DHX35: variants seen among roughly 807,000 people sequenced by gnomAD.
DHX35 encodes DEAH-box helicase 35.
In DHX35, 84 loss-of-function variants were observed where a neutral mutation model predicts 99.6. That is an observed-to-expected ratio of 0.84 (90% CI 0.71 to 1.01). The LOEUF (loss-of-function observed/expected upper bound fraction) is 1.01. Among genes scored for constraint, DHX35 ranks in the 50% least tolerant of loss-of-function variants. DHX35 has a pLI of 0.00. For synonymous variants in DHX35, 331 were observed against 316.2 expected (o/e 1.05, Z -0.50); for missense variants, 852 against 888.5 (o/e 0.96, Z 0.52).
intron 3 of DHX35, among the ~76,000 whole-genome samples, chr20:38,975,529 G>A (rs953694859): frequency 6.6e-6 from 1 of 152,144 alleles, no homozygotes; most frequent in Non-Finnish European, 1.5e-5. Context: ...ACACTGTAGA[G>A]AGTAATGAGG....
intron 15 of DHX35, among the ~76,000 whole-genome samples, chr20:39,019,616 T>TA (rs1244494019): frequency 6.6e-6 from 1 of 152,224 alleles, no homozygotes; most frequent in Non-Finnish European, 1.5e-5. Flanking sequence ...ATTTATGAGA[T>TA]AGAGTGTGAT....
intron 1 of DHX35, among the ~76,000 whole-genome samples, chr20:38,968,449 A>G (rs902289895): frequency 6.6e-5 from 10 of 152,206 alleles, no homozygotes; most frequent in African/African-American, 2.4e-4. Flanking sequence ...AGAATTCAGT[A>G]ATAACATGGA....
intron 10 of DHX35, 110 bp downstream of exon 10, chr20:39,002,978 G>A: frequency 1.0e-6 from 1 of 985,736 alleles, no homozygotes; most frequent in East Asian, 2.7e-5. Flanking sequence ...GTTGTATTTT[G>A]TGGTTCCATA....
At chr20:39,010,538 AC>A in intron 13 of DHX35, 134 bp downstream of exon 13, 2 of 1,277,114 alleles carry the variant, frequency 1.6e-6, no homozygotes, top group Non-Finnish European at 2.1e-6. Flanking sequence ...CTGCTTTGCA[AC>A]CAGGCCCTGT....
intron 11 of DHX35, among the ~76,000 whole-genome samples, chr20:39,004,212 G>GCC (rs1342411004): frequency 6.6e-6 from 1 of 152,018 alleles, no homozygotes; most frequent in Non-Finnish European, 1.5e-5. Context: ...ACAGGCGCCC[G>GCC]CCACCACACC....
chr20:38,983,871 C>A, intron 4 of DHX35, 95 bp downstream of exon 4: 1 of 1,093,210 alleles, frequency 9.1e-7, no homozygotes, highest in Non-Finnish European at 1.3e-6. Context: ...ATAGAAGTTG[C>A]TCCTTAAGAG....
chr20:38,978,436 G>A (rs2086116992), intron 3 of DHX35: 4 of 604,312 alleles, frequency 6.6e-6, no homozygotes, highest in East Asian at 2.9e-5. Context: ...GTGGTGGCAC[G>A]TACTTAGGTG....
At chr20:38,982,956 C>T (rs2086196086) in intron 3 of DHX35, among the ~76,000 whole-genome samples, 1 of 146,686 alleles carries the variant, frequency 6.8e-6, no homozygotes, top group African/African-American at 2.5e-5. Context: ...GACAGAATCT[C>T]TCTCTGTCAC....
At chr20:39,002,713 A>G in intron 9 of DHX35, 59 bp from the exon 10 acceptor site, 2 of 1,483,630 alleles carry the variant, frequency 1.3e-6, no homozygotes, top group South Asian at 1.2e-5. Context: ...TATTAGGGTA[A>G]TTGATCTGTA....
chr20:38,962,540 CG>C (rs1385691605), intron 1 of DHX35, 133 bp downstream of exon 1: 18 of 1,162,720 alleles, frequency 1.5e-5, no homozygotes, highest in Non-Finnish European at 1.2e-6. Flanking sequence ...CGCCTCTGTG[CG>C]GGGGGAGCTC....
At chr20:39,035,190 G>A (rs939533447) in intron 21 of DHX35, among the ~76,000 whole-genome samples, 14 of 152,200 alleles carry the variant, frequency 9.2e-5, no homozygotes, top group Admixed American at 2.0e-4. Context: ...TCCTGCCTCA[G>A]CCTCTCTAAT....
chr20:38,999,216 T>G (rs1159182443), intron 8 of DHX35, among the ~76,000 whole-genome samples: 1 of 151,986 alleles, frequency 6.6e-6, no homozygotes, highest in Non-Finnish European at 1.5e-5. Flanking sequence ...TCTGCTTGCT[T>G]TTTTGGTAAC....
chr20:38,967,795 C>T (rs375320414), intron 1 of DHX35, among the ~76,000 whole-genome samples: 7 of 152,302 alleles, frequency 4.6e-5, no homozygotes, highest in African/African-American at 7.2e-5. Flanking sequence ...CATCTATCCA[C>T]TCCCGATTCC....
chr20:39,014,864 T>C lies in DHX35; in HGVS notation c.1348-16T>C. The C allele has an allele frequency of 6.2e-7, 1 of 1,614,138 alleles. No individual in the cohort carries two copies. Among genetic ancestry groups the C allele is most frequent in the Non-Finnish European group, 8.5e-7 (1 of 1,180,012 alleles). The stretch of plus-strand genomic sequence containing the variant: ...CCAAATAAATTGATTCAGGAAGATT[T>C]TTATGTTTTTTCCAGCCCCCTCCAG... On this transcript the variant is annotated splice_polypyrimidine_tract_variant and intron_variant, in intron 13 of 21. Coordinates refer to ENST00000252011, the MANE Select transcript of DHX35 (RefSeq NM_021931.4).
Position 39,010,071 on chromosome 20 carries a change from G to A in DHX35, c.1223-209G>A, listed in dbSNP as rs116747930. 4.5e-3 allele frequency among the ~76,000 whole-genome samples: 690 copies of A among 152,278 alleles called. 8 individuals are homozygous for A. The highest frequency in any genetic ancestry group is 0.016 in the African/African-American group (664 of 41,542). ...ATTTTAGATAAAGTTTTATAAAGGT[G>A]TATTCAAATATATTTATCTAAGGCA... On this transcript the variant is annotated intron_variant, in intron 12 of 21. Transcript: ENST00000252011.
intron 8 of DHX35, among the ~76,000 whole-genome samples, chr20:39,000,087 C>A (rs1215280730): frequency 6.6e-6 from 1 of 152,144 alleles, no homozygotes; most frequent in African/African-American, 2.4e-5. Flanking sequence ...CCTTAGGGAC[C>A]CCTTTACATT....
intron 12 of DHX35, 31 bp downstream of exon 12, chr20:39,006,387 C>T (rs747569979): frequency 8.7e-6 from 14 of 1,604,918 alleles, no homozygotes; most frequent in Middle Eastern, 1.8e-4. Context: ...GGGTTTTTGA[C>T]TTTCTTATAG....
chr20:38,965,808 C>A (rs2085901548), intron 1 of DHX35, among the ~76,000 whole-genome samples: 2 of 152,148 alleles, frequency 1.3e-5, no homozygotes, highest in Non-Finnish European at 1.5e-5. Context: ...CTACAAAAAT[C>A]TTTTACTTAA....
chr20:38,966,896 C>G (rs2145828004), intron 1 of DHX35, among the ~76,000 whole-genome samples: 1 of 152,256 alleles, frequency 6.6e-6, no homozygotes, highest in East Asian at 1.9e-4. Context: ...GATGTAGTGA[C>G]AAGAAGGGAA....
Sources: gnomAD v4.1 joint callset for allele counts (sites outside exome capture counted in the v4.1 genomes callset) on GRCh38, gnomAD v4.1.1 for gene constraint, MANE v1.5 for transcripts, NCBI Gene and HGNC (gene_info 2026-07-23, HGNC 2026-07-21) for gene names.